Variants in SORCS3 observed in about 807,000 individuals in gnomAD.
SORCS3 encodes the protein VPS10 domain-containing receptor SorCS3.
Under a neutral mutation model 146.3 loss-of-function variants are expected in SORCS3, and 57 were observed. The ratio of observed to expected loss-of-function variants is 0.39; its 90% CI spans 0.31 to 0.49. The LOEUF (loss-of-function observed/expected upper bound fraction) is 0.49, where lower values mean the gene tolerates loss of function less well. SORCS3 is among the 20% of genes least tolerant of loss of function. The pLI is 0.92. For missense variants in SORCS3, 1,341 were observed against 1,575.5 expected (o/e 0.85, Z 2.52); for synonymous variants, 653 against 618.5 (o/e 1.06, Z -0.83).
chr10:104,899,765 T>A (rs771692578), intron 2 of SORCS3, among the ~76,000 whole-genome samples: 6 of 152,236 alleles, frequency 3.9e-5, no homozygotes, highest in Admixed American at 1.3e-4. Flanking sequence ...GCCATCATCC[T>A]AATGCTAAGA....
chr10:104,919,938 A>G (rs991211566), intron 3 of SORCS3, among the ~76,000 whole-genome samples: 1 of 152,220 alleles, frequency 6.6e-6, no homozygotes, highest in Non-Finnish European at 1.5e-5. Flanking sequence ...TGATATAAAT[A>G]AAAATACTCT....
In SORCS3 at chr10:104,936,533, G is replaced by A. The variant is rs111928747; in HGVS notation, c.795+20601G>A. On this transcript the variant is annotated intron_variant, in intron 3 of 26. Transcript: ENST00000369701. Reference sequence around the variant, plus strand: ...ACATAGATGGACTGCAGAGAGACAGGTTGGTGAATGATAATCAGTTCGATT... The same window carrying A: ...ACATAGATGGACTGCAGAGAGACAGATTGGTGAATGATAATCAGTTCGATT... Among the ~76,000 whole-genome samples the A allele has an allele frequency of 3.1e-3, 468 of 152,308 alleles. 4 individuals carry two copies. The highest frequency in any genetic ancestry group is 0.01 in the African/African-American group (429 of 41,568).
At chr10:105,135,123 C>T (rs1589649947) in intron 7 of SORCS3, among the ~76,000 whole-genome samples, 1 of 152,150 alleles carries the variant, frequency 6.6e-6, no homozygotes, top group African/African-American at 2.4e-5. Context: ...TAATTTTCTT[C>T]ACTCCATGTC....
At chr10:105,198,360 A>C (rs1327189259) in intron 14 of SORCS3, among the ~76,000 whole-genome samples, 2 of 152,154 alleles carry the variant, frequency 1.3e-5, no homozygotes, top group Non-Finnish European at 2.9e-5. Flanking sequence ...GGATAGAGAA[A>C]AAAAAGATAT....
Position 104,978,010 on chromosome 10 carries a change from G to A in SORCS3, c.954+517G>A, listed in dbSNP as rs191558846. 4.6e-5 allele frequency among the ~76,000 whole-genome samples: 7 copies of A among 152,136 alleles called. No individual in the cohort carries two copies. In the East Asian group the frequency reaches 5.8e-4, roughly 13 times the overall value. On this transcript the variant is annotated intron_variant, in intron 4 of 26. Coordinates refer to ENST00000369701, the MANE Select transcript of SORCS3 (RefSeq NM_014978.3). ...CTCCCAAAGTGCTGGGATTACAGGCGTGAGTCACCGTATTTCACATTTTTA... is the reference window on the plus strand; with the variant it reads ...CTCCCAAAGTGCTGGGATTACAGGCATGAGTCACCGTATTTCACATTTTTA...
intron 2 of SORCS3, among the ~76,000 whole-genome samples, chr10:104,883,260 TGA>T (rs1391640155): frequency 2.0e-5 from 3 of 152,268 alleles, no homozygotes; most frequent in Non-Finnish European, 2.9e-5. Context: ...CTTTCAGCAG[TGA>T]GAGTCTCTGA....
chr10:105,214,490 G>A lies in SORCS3; in HGVS notation c.2424G>A (p.Lys808=), dbSNP rs373579759. The A allele has an allele frequency of 1.6e-5, 26 of 1,614,062 alleles. No individual in the cohort carries two copies. The highest frequency in any genetic ancestry group is 2.2e-5 in the Non-Finnish European group (26 of 1,180,034). The change falls in exon 18 of 27, where the codon AAG becomes AAA. Residue 808 remains lysine (K), a synonymous_variant. Transcript: ENST00000369701. ...SNNCTDGLRE[K]YTAKAQMCPG... The stretch of plus-strand genomic sequence containing the variant: ...ACTGCACAGATGGGCTAAGGGAGAA[G>A]TACACCGCCAAGGCCCAGATGTGCC...
chr10:104,894,901 T>G (rs1018344257), intron 2 of SORCS3, among the ~76,000 whole-genome samples: 2 of 152,106 alleles, frequency 1.3e-5, no homozygotes, highest in African/African-American at 4.8e-5. Flanking sequence ...TGCACAGCAT[T>G]TGGAAATGTG....
intron 1 of SORCS3, among the ~76,000 whole-genome samples, chr10:104,793,290 C>A (rs1490196294): frequency 6.6e-6 from 1 of 152,096 alleles, no homozygotes; most frequent in Non-Finnish European, 1.5e-5. Flanking sequence ...ACCCGTGAAC[C>A]TATAATTCAA....
At chr10:105,142,580 G>A (rs941234674) in intron 8 of SORCS3, among the ~76,000 whole-genome samples, 1 of 152,134 alleles carries the variant, frequency 6.6e-6, no homozygotes, top group Non-Finnish European at 1.5e-5. Flanking sequence ...AGCAAGCATG[G>A]CAATGAGGAA....
At chr10:104,754,514 AG>A (rs898893492) in intron 1 of SORCS3, among the ~76,000 whole-genome samples, 3 of 152,144 alleles carry the variant, frequency 2.0e-5, no homozygotes, top group African/African-American at 2.4e-5. Context: ...AGTCCAGAAT[AG>A]GGGGGGAAAA....
intron 4 of SORCS3, among the ~76,000 whole-genome samples, chr10:104,983,544 G>A (rs1236589524): frequency 6.6e-6 from 1 of 152,062 alleles, no homozygotes; most frequent in African/African-American, 2.4e-5. Context: ...AAGATAGGTG[G>A]CTCCAGCCAC....
At chr10:104,647,565 C>T (rs2015509810) in intron 1 of SORCS3, among the ~76,000 whole-genome samples, 1 of 152,134 alleles carries the variant, frequency 6.6e-6, no homozygotes, top group African/African-American at 2.4e-5. Context: ...CTCCAATCAC[C>T]ATCAAGTGCG....
rs546114603 is a variant in SORCS3 at position 104,910,790 on chromosome 10, T to C, written c.696-5043T>C. 1.6e-3 allele frequency among the ~76,000 whole-genome samples: 237 copies of C among 151,940 alleles called. 3 individuals carry two copies. The highest frequency in any genetic ancestry group is 5.5e-3 in the African/African-American group (226 of 41,428). On this transcript the variant is annotated intron_variant, in intron 2 of 26. Coordinates refer to ENST00000369701, the MANE Select transcript of SORCS3 (RefSeq NM_014978.3). ...ACACACACGTGACAGTGGAGTGGGG[T>C]TGGGGTAACTGGAGCCAGGGTACAG...
At chr10:104,994,281 G>T (rs1053130523) in intron 4 of SORCS3, among the ~76,000 whole-genome samples, 3 of 152,142 alleles carry the variant, frequency 2.0e-5, no homozygotes, top group Non-Finnish European at 4.4e-5. Flanking sequence ...ATATATTAGG[G>T]AGGAGGTCTG....
intron 5 of SORCS3, among the ~76,000 whole-genome samples, chr10:105,068,053 T>A (rs2055533352): frequency 6.6e-6 from 1 of 151,998 alleles, no homozygotes; most frequent in South Asian, 2.1e-4. Flanking sequence ...TTCAGACACA[T>A]ACTTCTCATG....
chr10:104,707,047 A>C (rs1367158257), intron 1 of SORCS3, among the ~76,000 whole-genome samples: 2 of 152,114 alleles, frequency 1.3e-5, no homozygotes, highest in Non-Finnish European at 2.9e-5. Flanking sequence ...AGTGTGAGCT[A>C]TCTGAGGCAT....
intron 11 of SORCS3, among the ~76,000 whole-genome samples, chr10:105,160,704 C>A (rs899927603): frequency 3.3e-5 from 5 of 152,132 alleles, no homozygotes; most frequent in Non-Finnish European, 7.4e-5. Flanking sequence ...TGTTACTTAT[C>A]ATCATTAATG....
intron 1 of SORCS3, among the ~76,000 whole-genome samples, chr10:104,708,237 G>A (rs928224915): frequency 3.3e-5 from 5 of 152,070 alleles, no homozygotes; most frequent in South Asian, 2.1e-4. Context: ...GTAAATATAC[G>A]GAACATTAGC....
Sources: allele counts gnomAD v4.1 joint callset (sites outside exome capture counted in the v4.1 genomes callset), GRCh38; gene constraint gnomAD v4.1.1; transcripts MANE v1.5; gene names NCBI Gene and HGNC (gene_info 2026-07-23, HGNC 2026-07-21).